Variants in EFNA5 observed in about 807,000 individuals in gnomAD.
The protein encoded by EFNA5 is ephrin-A5.
Under a neutral mutation model 22.9 loss-of-function variants are expected in EFNA5, and 5 were observed. That is an observed-to-expected ratio of 0.22 (90% CI 0.11 to 0.46). EFNA5 has a LOEUF of 0.46. Ranked by LOEUF, EFNA5 falls within the 20% of genes least tolerant of loss-of-function variation. EFNA5 has a pLI of 0.99. For missense variants in EFNA5, 237 were observed against 293.3 expected (o/e 0.81, Z 1.40); for synonymous variants, 113 against 112.2 (o/e 1.01, Z -0.04).
intron 1 of EFNA5, among the ~76,000 whole-genome samples, chr5:107,641,978 T>G (rs1028292688): frequency 6.6e-6 from 1 of 152,092 alleles, no homozygotes; most frequent in African/African-American, 2.4e-5. Flanking sequence ...CAGTCAAAAC[T>G]GTCAAAAAAG....
intron 1 of EFNA5, among the ~76,000 whole-genome samples, chr5:107,585,285 G>A (rs1749160321): frequency 6.6e-6 from 1 of 152,150 alleles, no homozygotes; most frequent in South Asian, 2.1e-4. Flanking sequence ...CCAAGCCCAA[G>A]GACCCTCTCA....
intron 1 of EFNA5, among the ~76,000 whole-genome samples, chr5:107,488,558 A>G (rs1165836013): frequency 1.3e-5 from 2 of 152,162 alleles, no homozygotes; most frequent in Non-Finnish European, 2.9e-5. Context: ...GCATCAAATT[A>G]TTTTACAAAT....
intron 1 of EFNA5, among the ~76,000 whole-genome samples, chr5:107,558,022 G>T (rs756127380): frequency 5.9e-5 from 9 of 152,016 alleles, no homozygotes; most frequent in Non-Finnish European, 1.0e-4. Flanking sequence ...AATATAAAAG[G>T]TTTAGAATAG....
intron 1 of EFNA5, among the ~76,000 whole-genome samples, chr5:107,450,547 A>G (rs1407165398): frequency 1.3e-5 from 2 of 152,218 alleles, no homozygotes; most frequent in African/African-American, 2.4e-5. Context: ...CAGTAACTCC[A>G]ATGTTTTTTC....
At chr5:107,660,261 C>CATATATATATATAAAT (rs1163908363) in intron 1 of EFNA5, among the ~76,000 whole-genome samples, 5 of 52,452 alleles carry the variant, frequency 9.5e-5, no homozygotes, top group Non-Finnish European at 1.2e-4. Flanking sequence ...ATGGCAAAAA[C>CATATATATATATAAAT]ATATATATAT....
intron 2 of EFNA5, among the ~76,000 whole-genome samples, chr5:107,388,101 G>A (rs552254740): frequency 1.4e-4 from 21 of 152,268 alleles, no homozygotes; most frequent in African/African-American, 5.1e-4. Flanking sequence ...AAATCGAGAG[G>A]ATAATGTGTG....
rs1751178863 is a variant in EFNA5, at chr5:107,670,702, A to G, written c.-89T>C. 20 of 1,513,784 alleles carry G rather than the reference A, an allele frequency of 1.3e-5. No homozygotes were observed. In the South Asian group the frequency reaches 2.4e-4, roughly 18 times the overall value. 93.8% of individuals were successfully genotyped at this position (1,513,784 alleles called of 1,614,324 possible). ...GAGGGAGGCAGGCAAAGGGACAGAG[A>G]GAGAGCGGGCGCCAAATAAATATGA... On this transcript the variant is annotated 5_prime_UTR_variant, in exon 1 of 5. Transcript: ENST00000333274.
chr5:107,494,273 G>A (rs1238125446), intron 1 of EFNA5, among the ~76,000 whole-genome samples: 1 of 152,042 alleles, frequency 6.6e-6, no homozygotes, highest in East Asian at 1.9e-4. Context: ...GCGGGCGGCT[G>A]CGGGCGGCGC....
At chr5:107,397,401 T>C (rs1052232170) in intron 2 of EFNA5, among the ~76,000 whole-genome samples, 5 of 151,788 alleles carry the variant, frequency 3.3e-5, no homozygotes, top group Non-Finnish European at 5.9e-5. Flanking sequence ...ATACAAAAAT[T>C]GGTGGGGCGT....
At chr5:107,425,031 C>A (rs1748774048) in intron 2 of EFNA5, among the ~76,000 whole-genome samples, 1 of 152,104 alleles carries the variant, frequency 6.6e-6, no homozygotes. Flanking sequence ...TTAAACTCAG[C>A]TGAACAGCAA....
chr5:107,530,608 T>A (rs934437733), intron 1 of EFNA5, among the ~76,000 whole-genome samples: 17 of 152,190 alleles, frequency 1.1e-4, no homozygotes, highest in African/African-American at 1.7e-4. Flanking sequence ...AAAGGCCAAA[T>A]GAACATACCA....
intron 1 of EFNA5, among the ~76,000 whole-genome samples, chr5:107,581,370 C>G (rs534441736): frequency 1.3e-5 from 2 of 152,236 alleles, no homozygotes; most frequent in Admixed American, 6.5e-5. Context: ...GTCCTTTACC[C>G]CGGAGACATG....
At chr5:107,402,229 T>C (rs888491238) in intron 2 of EFNA5, among the ~76,000 whole-genome samples, 4 of 152,192 alleles carry the variant, frequency 2.6e-5, no homozygotes, top group African/African-American at 9.7e-5. Flanking sequence ...AAAAGAGCGA[T>C]GAAGATGTCA....
At chr5:107,583,684 C>T (rs1434489401) in intron 1 of EFNA5, among the ~76,000 whole-genome samples, 1 of 152,172 alleles carries the variant, frequency 6.6e-6, no homozygotes, top group East Asian at 1.9e-4. Context: ...GGGACGTCAG[C>T]ACTGTTAGGG....
At chr5:107,602,394 A>G (rs1749618649) in intron 1 of EFNA5, among the ~76,000 whole-genome samples, 1 of 152,234 alleles carries the variant, frequency 6.6e-6, no homozygotes, top group South Asian at 2.1e-4. Context: ...CAAGAAAGAA[A>G]AAAGTCACAA....
At chr5:107,566,154 G>GC (rs918774117) in intron 1 of EFNA5, among the ~76,000 whole-genome samples, 208 of 152,206 alleles carry the variant, frequency 1.4e-3, no homozygotes, top group African/African-American at 4.9e-3. Context: ...CTCTGCTCCT[G>GC]CCCCCCTCTA....
At chr5:107,605,784 A>G (rs1043617571) in intron 1 of EFNA5, among the ~76,000 whole-genome samples, 4 of 151,690 alleles carry the variant, frequency 2.6e-5, no homozygotes, top group African/African-American at 9.7e-5. Flanking sequence ...GCCTGCCCCA[A>G]CCTCTCTTCC....
chr5:107,538,768 G>A (rs549129565), intron 1 of EFNA5, among the ~76,000 whole-genome samples: 1 of 152,326 alleles, frequency 6.6e-6, no homozygotes, highest in Non-Finnish European at 1.5e-5. Context: ...TCGTAATTTT[G>A]TATTCCATTT....
intron 1 of EFNA5, among the ~76,000 whole-genome samples, chr5:107,635,992 C>A (rs1442941903): frequency 6.6e-6 from 1 of 152,160 alleles, no homozygotes; most frequent in Non-Finnish European, 1.5e-5. Context: ...CCTTTCTTAT[C>A]CTTTTTATGA....
Sources: allele counts gnomAD v4.1 joint callset (sites outside exome capture counted in the v4.1 genomes callset), GRCh38; gene constraint gnomAD v4.1.1; transcripts MANE v1.5; gene names NCBI Gene and HGNC (gene_info 2026-07-23, HGNC 2026-07-21).